The following SHTN1 variants were observed in gnomAD, a reference collection of about 807,000 sequenced individuals.
SHTN1 encodes shootin 1.
SHTN1 carries 42 observed loss-of-function variants against 83.1 expected under a neutral mutation model. The ratio of observed to expected loss-of-function variants is 0.51; its 90% CI spans 0.39 to 0.65. SHTN1 has a LOEUF of 0.65. Among genes scored for constraint, SHTN1 ranks in the 30% least tolerant of loss-of-function variants. SHTN1 has a pLI of 0.00. For synonymous variants in SHTN1, 224 were observed against 247.7 expected (o/e 0.90, Z 0.90); for missense variants, 622 against 737.8 (o/e 0.84, Z 1.82).
intron 1 of SHTN1, among the ~76,000 whole-genome samples, chr10:117,099,323 A>G (rs1215711648): frequency 2.6e-5 from 4 of 151,962 alleles, no homozygotes; most frequent in Non-Finnish European, 5.9e-5. Flanking sequence ...CTTAGAATTC[A>G]CCACTAAAGA....
chr10:116,945,633 C>A (rs935678909), intron 7 of SHTN1, among the ~76,000 whole-genome samples: 1 of 151,942 alleles, frequency 6.6e-6, no homozygotes, highest in Non-Finnish European at 1.5e-5. Context: ...CTTCTTACAC[C>A]CATCCAAGAG....
intron 1 of SHTN1, among the ~76,000 whole-genome samples, chr10:116,987,962 T>C (rs1291517844): frequency 2.7e-5 from 4 of 150,922 alleles, no homozygotes; most frequent in Admixed American, 6.6e-5. Context: ...GGATTTGTAG[T>C]TAAAGAGGAA....
Position 116,881,726 on chromosome 10 carries a change from TGA to T in SHTN1, c.*4616_*4617del. On this transcript the variant is annotated 3_prime_UTR_variant, in exon 17 of 17. Coordinates refer to ENST00000355371, the MANE Select transcript of SHTN1 (RefSeq NM_001127211.3). The stretch of plus-strand genomic sequence containing the variant: ...ATCAGTATTAGTAGACCGGGAGGTC[TGA>T]AGTACGGCGCCGTGTCTCCACATGG... 7.6e-7 allele frequency: 1 copy of T among 1,308,786 alleles called. No individual in the cohort carries two copies. Among genetic ancestry groups the T allele is most frequent in the Non-Finnish European group, 9.9e-7 (1 of 1,010,578 alleles). 81.1% of individuals were successfully genotyped at this position (1,308,786 alleles called of 1,614,324 possible). A position where few individuals can be genotyped will look rare whatever the true frequency, so the allele number is the denominator to read the frequency against.
At chr10:117,049,707 G>C (rs1852714523) in intron 1 of SHTN1, among the ~76,000 whole-genome samples, 1 of 152,166 alleles carries the variant, frequency 6.6e-6, no homozygotes, top group South Asian at 2.1e-4. Context: ...TAGAAACCAT[G>C]ATTTAAGAGA....
chr10:117,008,886 G>A (rs1402555737), upstream of SHTN1, among the ~76,000 whole-genome samples: 1 of 152,218 alleles, frequency 6.6e-6, no homozygotes, highest in Non-Finnish European at 1.5e-5. Context: ...GGCCAGGGCG[G>A]GTGGATCACC....
chr10:116,902,036 G>A (rs2133325371), intron 15 of SHTN1, 79 bp from the exon 16 acceptor site: 2 of 1,292,274 alleles, frequency 1.5e-6, no homozygotes, highest in Non-Finnish European at 2.1e-6. Context: ...CAGATTAGCT[G>A]AAAATCCCTC....
At chr10:116,902,708 A>T (rs981644319) in intron 15 of SHTN1, among the ~76,000 whole-genome samples, 3 of 152,226 alleles carry the variant, frequency 2.0e-5, no homozygotes, top group Non-Finnish European at 4.4e-5. Flanking sequence ...GTGCTTCTTG[A>T]AACTTCAGAA....
chr10:117,024,573 T>C (rs991818439), intron 2 of SHTN1, among the ~76,000 whole-genome samples: 1 of 151,964 alleles, frequency 6.6e-6, no homozygotes, highest in African/African-American at 2.4e-5. Context: ...TTAGCCAGGA[T>C]GGTCTCGATC....
chr10:116,934,031 T>G (rs1054911210), intron 9 of SHTN1, among the ~76,000 whole-genome samples: 2 of 152,176 alleles, frequency 1.3e-5, no homozygotes, highest in African/African-American at 2.4e-5. Context: ...TCTTGTGAAT[T>G]TGTTTAAGTT....
intron 2 of SHTN1, among the ~76,000 whole-genome samples, chr10:117,042,536 G>C (rs2133581579): frequency 6.6e-6 from 1 of 152,148 alleles, no homozygotes; most frequent in South Asian, 2.1e-4. Context: ...GTCATGAAAA[G>C]CATCCAATCT....
chr10:116,930,391 C>T (rs1235909824), intron 9 of SHTN1, among the ~76,000 whole-genome samples: 1 of 152,142 alleles, frequency 6.6e-6, no homozygotes, highest in Non-Finnish European at 1.5e-5. Flanking sequence ...TCCTCCCACC[C>T]TCCATCATCA....
rs755246356 is a variant in SHTN1, at chr10:116,951,968, T to G, written c.475A>C (p.Lys159Gln). 6.2e-7 allele frequency: 1 copy of G among 1,601,270 alleles called. No individual in the cohort carries two copies. The highest frequency in any genetic ancestry group is 8.5e-7 in the Non-Finnish European group (1 of 1,172,382). Reference protein sequence around the residue: ...DQIVSVQEEKKILAIELENLK... With the variant: ...DQIVSVQEEKQILAIELENLK... ...TTTTCCAGCTCAATGGCTAAAATCT[T>G]CTTTTCCTCCTGAACAGATACAATT... is the stretch of plus-strand genomic sequence containing the variant. Residue 159 changes from lysine to glutamine, a missense_variant, in exon 6 of 17, where the codon AAG becomes CAG. This residue lies in a region of SHTN1 where 383 missense variants were observed against 455.8 expected (regional missense o/e 0.84). Transcript: ENST00000355371.
chr10:116,985,385 A>G (rs895351830), intron 1 of SHTN1, among the ~76,000 whole-genome samples: 1 of 152,232 alleles, frequency 6.6e-6, no homozygotes, highest in African/African-American at 2.4e-5. Context: ...AGAGTCATTC[A>G]TCCAAAAAGA....
intron 16 of SHTN1, among the ~76,000 whole-genome samples, chr10:116,899,506 GGTGTGTGTGTGTGTGT>G (rs370396879): frequency 1.2e-4 from 15 of 124,582 alleles, no homozygotes; most frequent in African/African-American, 3.2e-4. Flanking sequence ...GGCTGGGGCT[GGTGTGTGTGTGTGTGT>G]GTGTGTGTGT....
At chr10:117,100,092 G>A (rs1197964465) in intron 1 of SHTN1, among the ~76,000 whole-genome samples, 3 of 152,068 alleles carry the variant, frequency 2.0e-5, no homozygotes, top group Non-Finnish European at 2.9e-5. Flanking sequence ...CAGGAGAATC[G>A]CTTGAACCTT....
At chr10:116,899,802 T>A (rs370465114) in intron 16 of SHTN1, among the ~76,000 whole-genome samples, 1 of 152,142 alleles carries the variant, frequency 6.6e-6, no homozygotes, top group African/African-American at 2.4e-5. Flanking sequence ...GCCAAGTCTA[T>A]AAAGTAAGAG....
At position 116,883,277 on chromosome 10, in the gene SHTN1, C is replaced by T. The variant is rs1014309428; in HGVS notation, c.*3067G>A. 2 of 151,968 alleles carry T rather than the reference C, an allele frequency of 1.3e-5. No homozygotes were observed. Among genetic ancestry groups the T allele is most frequent in the African/African-American group, 4.8e-5 (2 of 41,380 alleles). The allele number at this position is 151,968 out of a possible 1,614,324, so 9.4% of individuals were successfully genotyped here. ...ACTTTCTCTCTCTTGTGTTATATAA[C>T]ATTTAATATGAAATATATTTATATA... On this transcript the variant is annotated 3_prime_UTR_variant, in exon 17 of 17. Transcript: ENST00000355371.
At chr10:117,034,065 C>T (rs936241125) in intron 2 of SHTN1, among the ~76,000 whole-genome samples, 21 of 151,740 alleles carry the variant, frequency 1.4e-4, no homozygotes, top group Non-Finnish European at 2.6e-4. Context: ...ATATGACTCA[C>T]AGCTGGTATC....
In SHTN1 at chr10:117,005,014, C is replaced by A; in HGVS notation, c.58+8G>T. On this transcript the variant is annotated splice_region_variant and intron_variant, in intron 1 of 16. Transcript: ENST00000355371. ...GCTGCCCACACCTGGCGCCCGCGTGCTGCCTACCTTGCTCCTTCAGACTGG... is the reference window on the plus strand; with the variant it reads ...GCTGCCCACACCTGGCGCCCGCGTGATGCCTACCTTGCTCCTTCAGACTGG... The A allele has an allele frequency of 6.3e-7, 1 of 1,590,822 alleles. No individual in the cohort carries two copies. The highest frequency in any genetic ancestry group is 8.6e-7 in the Non-Finnish European group (1 of 1,169,170).
Sources: gnomAD v4.1 joint callset for allele counts (sites outside exome capture counted in the v4.1 genomes callset) on GRCh38, gnomAD v4.1.1 for gene constraint, gnomAD v4.1.1 regional missense constraint, MANE v1.5 for transcripts, NCBI Gene and HGNC (gene_info 2026-07-23, HGNC 2026-07-21) for gene names.